Variants in PAK3 observed in about 807,000 individuals in gnomAD.
The protein encoded by PAK3 is p21 (RAC1) activated kinase 3, also known as serine/threonine-protein kinase PAK 3.
PAK3 carries 4 observed loss-of-function variants against 41.0 expected under a neutral mutation model. The ratio of observed to expected loss-of-function variants is 0.10; its 90% confidence interval spans 0.05 to 0.22. PAK3 has a LOEUF of 0.22. PAK3 is among the 10% of genes least tolerant of loss of function. PAK3 has a pLI of 1.00. For synonymous variants in PAK3, 146 were observed against 139.6 expected, an observed-to-expected ratio of 1.05 and a Z score of -0.32; for missense variants, 205 against 409.9, an observed-to-expected ratio of 0.50 and a Z score of 4.32.
intron 1 of PAK3, among the ~76,000 whole-genome samples, chrX:110,987,739 A>G (rs2091572047): frequency 8.9e-6 from 1 of 111,912 alleles, no homozygotes; most frequent in South Asian, 3.8e-4. Flanking sequence ...TTGACCTGGA[A>G]TTTGGGTATC....
intron 5 of PAK3, among the ~76,000 whole-genome samples, chrX:111,135,852 T>C (rs2093781939): frequency 8.9e-6 from 1 of 111,760 alleles, no homozygotes; most frequent in African/African-American, 3.2e-5. Context: ...CTATAACAGC[T>C]AGAGAAGTAT....
intron 16 of PAK3, among the ~76,000 whole-genome samples, chrX:111,199,075 T>C (rs142082164): frequency 0.011 from 1,175 of 111,577 alleles, 21 homozygotes; most frequent in African/African-American, 0.037. Context: ...AGGTATTTTA[T>C]TTTTTAGGGC....
intron 1 of PAK3, among the ~76,000 whole-genome samples, chrX:111,012,564 C>T (rs765909395): frequency 2.2e-4 from 25 of 111,987 alleles, no homozygotes; most frequent in African/African-American, 7.8e-4. Context: ...ATAAAGTTTC[C>T]TTTGCAGGAC....
chrX:111,068,048 A>G (rs968177278), intron 1 of PAK3, among the ~76,000 whole-genome samples: 4 of 111,028 alleles, frequency 3.6e-5, no homozygotes, highest in Non-Finnish European at 5.7e-5. Context: ...TCTCATTGAA[A>G]CATATTAGTT....
rs2094938599 is a variant in PAK3, at chrX:111,223,631, C to G, written c.*3184C>G. 1 of 110,814 alleles carries G rather than the reference C, an allele frequency of 9.0e-6. No homozygotes were observed. The highest frequency in any genetic ancestry group is 9.8e-5 in the Admixed American group (1 of 10,256). The allele number at this position is 110,814 out of a possible 1,213,427, so 9.1% of individuals were successfully genotyped here. ...TTACATCTATCCCTCCCCGGTGAAG[C>G]ACATTCCATTGCTAAAAGAAAAAGA... On this transcript the variant is annotated 3_prime_UTR_variant, in exon 18 of 18. Coordinates refer to ENST00000372007, the MANE Select transcript of PAK3 (RefSeq NM_002578.5).
At chrX:111,173,710 A>T (rs778390853) in intron 11 of PAK3, among the ~76,000 whole-genome samples, 38 of 111,566 alleles carry the variant, frequency 3.4e-4, no homozygotes, top group South Asian at 1.1e-3. Flanking sequence ...AAAGTCCCTC[A>T]GATAATCCTG....
chrX:111,159,109 C>T (rs1427268001), intron 8 of PAK3, among the ~76,000 whole-genome samples: 1 of 111,461 alleles, frequency 9.0e-6, no homozygotes, highest in Non-Finnish European at 1.9e-5. Flanking sequence ...TTATTTTTGA[C>T]ATATTAATTT....
rs1279551085 is a variant in PAK3, at chrX:110,954,905, A to G, written c.-28+10277A>G. Among the ~76,000 whole-genome samples the G allele has an allele frequency of 3.6e-5, 4 of 111,012 alleles. No homozygotes were observed. The East Asian group carries it at 1.1e-3, about 32-fold the overall frequency. ...GCCAAGGGTATAGAGGACCTCTGGG[A>G]GGCAGGGAGTGACTTCCTGGATGTT... is the stretch of plus-strand genomic sequence containing the variant. On this transcript the variant is annotated intron_variant, in intron 1 of 14. Transcript: ENST00000425146.
chrX:111,212,174 A>G (rs1364063487), intron 16 of PAK3, among the ~76,000 whole-genome samples: 2 of 111,878 alleles, frequency 1.8e-5, no homozygotes, highest in African/African-American at 6.5e-5. Context: ...CAACTAGTAT[A>G]TGGGAAATCT....
In PAK3 at chrX:111,220,463, A is replaced by C. The variant is rs780355171; in HGVS notation, c.*16A>C. ...CAGCCGCTAAGACTGCAAGCCTTAC[A>C]CCTCACCATCTCCCTCATGAGTAAG... On this transcript the variant is annotated 3_prime_UTR_variant, in exon 18 of 18. Transcript: ENST00000372007. 14 of 1,035,917 alleles carry C rather than the reference A, an allele frequency of 1.4e-5. No homozygotes were observed. Among genetic ancestry groups the C allele is most frequent in the Non-Finnish European group, 1.9e-5 (14 of 738,918 alleles). 85.4% of individuals were successfully genotyped at this position (1,035,917 alleles called of 1,213,427 possible).
At chrX:111,104,989 A>G (rs1344001456) in intron 4 of PAK3, among the ~76,000 whole-genome samples, 4 of 110,492 alleles carry the variant, frequency 3.6e-5, no homozygotes, top group African/African-American at 1.3e-4. Context: ...ACACATACAT[A>G]CTCTCACAAG....
In PAK3 at chrX:111,184,419, A is replaced by G. The variant is rs575524795; in HGVS notation, c.831-7708A>G. On this transcript the variant is annotated intron_variant, in intron 11 of 17. Transcript: ENST00000372007. ...CACTGACTTTTTTTTTTTTAATTAT[A>G]CTTTAAGTTCTGGGATACGTGTGCA... 2.4e-4 allele frequency among the ~76,000 whole-genome samples: 26 copies of G among 107,700 alleles called. No individual in the cohort carries two copies. The South Asian group carries it at 5.8e-3, about 24-fold the overall frequency. 93.5% of individuals were successfully genotyped at this position (107,700 alleles called of 115,157 possible). A position where few individuals can be genotyped will look rare whatever the true frequency, so the allele number is the denominator to read the frequency against.
chrX:111,175,649 C>T (rs1015101465), intron 11 of PAK3, among the ~76,000 whole-genome samples: 3 of 110,663 alleles, frequency 2.7e-5, no homozygotes, highest in African/African-American at 9.9e-5. Context: ...GCCAACTGAG[C>T]CAAAAATAGC....
chrX:111,066,666 T>C (rs765711907), intron 1 of PAK3, among the ~76,000 whole-genome samples: 12 of 112,205 alleles, frequency 1.1e-4, no homozygotes, highest in Admixed American at 2.8e-4. Context: ...AGTGGGGTGA[T>C]AAAGTGCCCC....
At chrX:111,161,084 T>A (rs1157685191) in intron 8 of PAK3, among the ~76,000 whole-genome samples, 1 of 111,530 alleles carries the variant, frequency 9.0e-6, no homozygotes, top group Non-Finnish European at 1.9e-5. Context: ...TCCCCCCAAC[T>A]GTGTAAAAGT....
chrX:111,218,251 T>A (rs1183842006), intron 17 of PAK3, among the ~76,000 whole-genome samples: 3 of 112,124 alleles, frequency 2.7e-5, no homozygotes, highest in Non-Finnish European at 5.6e-5. Flanking sequence ...TCAATTGATA[T>A]TTATTGAGCA....
At chrX:111,210,734 A>G (rs773187814) in intron 16 of PAK3, among the ~76,000 whole-genome samples, 5 of 112,141 alleles carry the variant, frequency 4.5e-5, no homozygotes, top group African/African-American at 1.6e-4. Flanking sequence ...TGGGCTCACA[A>G]TCTAGGAAGG....
In PAK3 at chrX:111,220,960, AAACAAAC is replaced by A. The variant is rs1172280191; in HGVS notation, c.*516_*522del. ...AAAAGCAAGGCAAAAAAAAAAAAAA[AAACAAAC>A]AAAAACAAAAACAAAACAAAAACAA... On this transcript the variant is annotated 3_prime_UTR_variant, in exon 18 of 18. Coordinates refer to ENST00000372007, the MANE Select transcript of PAK3 (RefSeq NM_002578.5). The A allele has an allele frequency of 9.1e-6, 1 of 109,601 alleles. No homozygotes were observed. Among genetic ancestry groups the A allele is most frequent in the African/African-American group, 3.4e-5 (1 of 29,713 alleles). 9.0% of individuals were successfully genotyped at this position (109,601 alleles called of 1,213,427 possible). A position where few individuals can be genotyped will look rare whatever the true frequency, so the allele number is the denominator to read the frequency against.
chrX:111,084,899 A>G (rs1390433975), intron 1 of PAK3, among the ~76,000 whole-genome samples: 1 of 111,145 alleles, frequency 9.0e-6, no homozygotes, highest in Non-Finnish European at 1.9e-5. Flanking sequence ...AAAAACGACT[A>G]CCCCTTTTTA....
Sources: allele counts gnomAD v4.1 joint callset (sites outside exome capture counted in the v4.1 genomes callset), GRCh38; gene constraint gnomAD v4.1.1; transcripts MANE v1.5; gene names NCBI Gene and HGNC (gene_info 2026-07-23, HGNC 2026-07-21).